The following DCC variants were observed in gnomAD, a reference collection of about 807,000 sequenced individuals.
DCC encodes the protein netrin receptor DCC.
Under a neutral mutation model 172.5 loss-of-function variants are expected in DCC, and 58 were observed. The ratio of observed to expected loss-of-function variants is 0.34; its 90% CI spans 0.27 to 0.42. The LOEUF is 0.42. DCC is among the 10% of genes least tolerant of loss of function. The probability of loss-of-function intolerance (pLI) is 1.00; values close to 1 mark genes in which losing one functional copy is unlikely to be tolerated. For synonymous variants in DCC, 709 were observed against 644.5 expected, an observed-to-expected ratio of 1.10 and a Z score of -1.52; for missense variants, 1,740 against 1,791.0, an observed-to-expected ratio of 0.97 and a Z score of 0.51.
chr18:53,440,685 T>G (rs1179740558), intron 22 of DCC, among the ~76,000 whole-genome samples: 1 of 152,202 alleles, frequency 6.6e-6, no homozygotes, highest in Admixed American at 6.5e-5. Flanking sequence ...ACAGCTTTTT[T>G]TCCAGATGAA....
At chr18:52,632,133 G>T (rs543296470) in intron 1 of DCC, among the ~76,000 whole-genome samples, 1 of 152,070 alleles carries the variant, frequency 6.6e-6, no homozygotes, top group Non-Finnish European at 1.5e-5. Context: ...ATCAATCCTT[G>T]TTCTAGAGCT....
intron 2 of DCC, among the ~76,000 whole-genome samples, chr18:52,780,331 TTA>T (rs1211397672): frequency 2.2e-4 from 34 of 152,282 alleles, no homozygotes; most frequent in Non-Finnish European, 2.1e-4. Flanking sequence ...TTAATAAAAT[TTA>T]TGATTGTCTT....
At chr18:52,989,119 G>C (rs972884817) in intron 5 of DCC, among the ~76,000 whole-genome samples, 4 of 151,886 alleles carry the variant, frequency 2.6e-5, no homozygotes, top group African/African-American at 9.7e-5. Context: ...AGAGAGAATA[G>C]TTTAATTCAT....
At chr18:53,135,311 A>C (rs1199571020) in intron 7 of DCC, among the ~76,000 whole-genome samples, 1 of 152,174 alleles carries the variant, frequency 6.6e-6, no homozygotes, top group Non-Finnish European at 1.5e-5. Context: ...AGGTGGGATC[A>C]GGATGAAATA....
intron 1 of DCC, among the ~76,000 whole-genome samples, chr18:52,352,280 C>T (rs1466530350): frequency 6.6e-6 from 1 of 152,188 alleles, no homozygotes; most frequent in Non-Finnish European, 1.5e-5. Flanking sequence ...ATTTCACAGG[C>T]ACAGGCCAGC....
intron 1 of DCC, among the ~76,000 whole-genome samples, chr18:52,523,806 T>C (rs1009800351): frequency 6.6e-6 from 1 of 152,216 alleles, no homozygotes; most frequent in African/African-American, 2.4e-5. Flanking sequence ...TTTTAAAGTT[T>C]GTTTATTAAT....
At chr18:53,494,189 A>T (rs1005995182) in intron 26 of DCC, among the ~76,000 whole-genome samples, 2 of 152,162 alleles carry the variant, frequency 1.3e-5, no homozygotes, top group Non-Finnish European at 2.9e-5. Flanking sequence ...GTGGTCTGAG[A>T]GACTGTTTAT....
At chr18:52,830,529 A>G (rs1248602740) in intron 2 of DCC, among the ~76,000 whole-genome samples, 2 of 152,162 alleles carry the variant, frequency 1.3e-5, no homozygotes, top group Admixed American at 1.3e-4. Context: ...CAGGCATGTT[A>G]AGAGGCTATT....
At chr18:53,255,709 T>C (rs2056501152) in intron 12 of DCC, among the ~76,000 whole-genome samples, 2 of 152,032 alleles carry the variant, frequency 1.3e-5, no homozygotes, top group Non-Finnish European at 2.9e-5. Context: ...ATGTTTTATA[T>C]TCCTTTGGGT....
intron 5 of DCC, among the ~76,000 whole-genome samples, chr18:52,979,664 T>G (rs558293278): frequency 1.3e-5 from 2 of 152,036 alleles, no homozygotes; most frequent in Non-Finnish European, 2.9e-5. Flanking sequence ...GTGTTCAGAG[T>G]TACCCATGAG....
At chr18:53,334,707 C>A (rs1280919080) in intron 14 of DCC, among the ~76,000 whole-genome samples, 1 of 152,192 alleles carries the variant, frequency 6.6e-6, no homozygotes, top group Non-Finnish European at 1.5e-5. Context: ...TGGCCTATTT[C>A]ATTTACCATA....
chr18:52,368,746 G>GA (rs1432936374), intron 1 of DCC, among the ~76,000 whole-genome samples: 1 of 152,130 alleles, frequency 6.6e-6, no homozygotes, highest in Non-Finnish European at 1.5e-5. Flanking sequence ...TGAAAGGGTT[G>GA]AAAAAAACTC....
At chr18:52,677,709 T>A (rs987066972) in intron 1 of DCC, among the ~76,000 whole-genome samples, 1 of 152,116 alleles carries the variant, frequency 6.6e-6, no homozygotes, top group African/African-American at 2.4e-5. Context: ...TTCTTGCATT[T>A]GCTTTCTGAC....
intron 2 of DCC, among the ~76,000 whole-genome samples, chr18:52,830,251 T>G (rs1172829133): frequency 1.3e-5 from 2 of 152,148 alleles, no homozygotes; most frequent in Non-Finnish European, 2.9e-5. Context: ...CAACACAAAC[T>G]CACAAACTTT....
At chr18:53,090,731 A>AT (rs1362169323) in intron 7 of DCC, among the ~76,000 whole-genome samples, 2 of 132,054 alleles carry the variant, frequency 1.5e-5, no homozygotes, top group African/African-American at 5.6e-5. Context: ...AAAAAAAAAA[A>AT]AAAGAATGTA....
At chr18:52,845,638 T>C (rs1391045371) in intron 2 of DCC, among the ~76,000 whole-genome samples, 1 of 152,186 alleles carries the variant, frequency 6.6e-6, no homozygotes, top group Non-Finnish European at 1.5e-5. Context: ...ATGTAAAAGA[T>C]TGCTCCTCCA....
At chr18:52,754,883 G>A (rs1300639001) in intron 2 of DCC, among the ~76,000 whole-genome samples, 2 of 152,210 alleles carry the variant, frequency 1.3e-5, no homozygotes, top group African/African-American at 4.8e-5. Flanking sequence ...AGACTGAGGT[G>A]CAGATGCAGA....
chr18:52,586,342 T>C (rs932075242), intron 1 of DCC, among the ~76,000 whole-genome samples: 1 of 152,146 alleles, frequency 6.6e-6, no homozygotes, highest in East Asian at 1.9e-4. Context: ...AGGCTTAAAT[T>C]TCATATAGTT....
chr18:53,227,612 T>A (rs1011134667), intron 12 of DCC, among the ~76,000 whole-genome samples: 1 of 152,164 alleles, frequency 6.6e-6, no homozygotes, highest in Non-Finnish European at 1.5e-5. Flanking sequence ...AGTATGTTAA[T>A]AGTAGGAAAA....
Sources: allele counts gnomAD v4.1 joint callset (sites outside exome capture counted in the v4.1 genomes callset), GRCh38; gene constraint gnomAD v4.1.1; transcripts MANE v1.5; gene names NCBI Gene and HGNC (gene_info 2026-07-23, HGNC 2026-07-21).